The following ZDHHC14 variants were observed in gnomAD, a reference collection of about 807,000 sequenced individuals.
The protein encoded by ZDHHC14 is zDHHC palmitoyltransferase 14.
A neutral mutation model predicts 47.7 loss-of-function variants in ZDHHC14; 16 were observed. The observed-to-expected ratio is 0.34, with a 90% CI of 0.23 to 0.51. ZDHHC14 has a LOEUF of 0.51. Ranked by LOEUF, ZDHHC14 falls within the 20% of genes least tolerant of loss-of-function variation. The probability of loss-of-function intolerance (pLI) is 0.97; values close to 1 mark genes in which losing one functional copy is unlikely to be tolerated. For synonymous variants in ZDHHC14, 293 were observed against 278.9 expected (o/e 1.05, Z -0.50); for missense variants, 515 against 662.5 (o/e 0.78, Z 2.44).
intron 1 of ZDHHC14, among the ~76,000 whole-genome samples, chr6:157,441,213 AGG>A (rs1398448287): frequency 2.0e-5 from 3 of 152,320 alleles, no homozygotes; most frequent in African/African-American, 7.2e-5. Context: ...TTTGTCTGGA[AGG>A]ATCGCTCATG....
intron 5 of ZDHHC14, among the ~76,000 whole-genome samples, chr6:157,643,650 A>ATAT (rs1777364584): frequency 1.4e-5 from 1 of 72,522 alleles, no homozygotes; most frequent in African/African-American, 4.5e-5. Context: ...CTTCATCTCA[A>ATAT]ATATATATAT....
At chr6:157,522,728 C>G (rs754410767) in intron 1 of ZDHHC14, among the ~76,000 whole-genome samples, 92 of 120,686 alleles carry the variant, frequency 7.6e-4, no homozygotes, top group Non-Finnish European at 7.6e-4. Context: ...CATTTCCTTT[C>G]TCTCCTCCCT....
intron 3 of ZDHHC14, among the ~76,000 whole-genome samples, chr6:157,594,926 G>A (rs1293739169): frequency 1.3e-5 from 2 of 151,966 alleles, no homozygotes; most frequent in African/African-American, 2.4e-5. Flanking sequence ...TGACCTCCAG[G>A]CCTGTGATGG....
At chr6:157,564,354 T>TG (rs1170776149) in intron 2 of ZDHHC14, among the ~76,000 whole-genome samples, 1 of 152,108 alleles carries the variant, frequency 6.6e-6, no homozygotes, top group Admixed American at 6.5e-5. Context: ...GAAGTGGGGT[T>TG]GGGGGGAAGA....
intron 2 of ZDHHC14, among the ~76,000 whole-genome samples, chr6:157,590,908 T>G (rs1434467329): frequency 6.6e-6 from 1 of 152,248 alleles, no homozygotes; most frequent in African/African-American, 2.4e-5. Flanking sequence ...GAGCCTTACC[T>G]CTTGCATCAG....
At chr6:157,672,626 C>CA in intron 8 of ZDHHC14, 98 bp from the exon 9 acceptor site, 1 of 232,424 alleles carries the variant, frequency 4.3e-6, no homozygotes, top group Non-Finnish European at 8.7e-6. Flanking sequence ...CTTCTCGCAC[C>CA]CCACCCTCCC....
intron 1 of ZDHHC14, among the ~76,000 whole-genome samples, chr6:157,494,442 T>C (rs1583706455): frequency 6.6e-6 from 1 of 152,148 alleles, no homozygotes; most frequent in African/African-American, 2.4e-5. Flanking sequence ...TCTGGAGAGG[T>C]AGACAGGGCA....
intron 1 of ZDHHC14, among the ~76,000 whole-genome samples, chr6:157,396,519 T>A (rs1251136903): frequency 6.6e-6 from 1 of 152,210 alleles, no homozygotes; most frequent in African/African-American, 2.4e-5. Context: ...GAAGAATTCT[T>A]GACTTAAATT....
At chr6:157,408,050 G>A (rs1480148757) in intron 1 of ZDHHC14, among the ~76,000 whole-genome samples, 1 of 152,224 alleles carries the variant, frequency 6.6e-6, no homozygotes, top group Admixed American at 6.5e-5. Context: ...CTATATTAAT[G>A]ACGATGAATC....
chr6:157,504,194 T>A (rs200881555), intron 1 of ZDHHC14, among the ~76,000 whole-genome samples: 1,058 of 18,716 alleles, frequency 0.057, 6 homozygotes, highest in Middle Eastern at 0.067. Flanking sequence ...ATATATATAT[T>A]TTTTTTTTGT....
intron 3 of ZDHHC14, among the ~76,000 whole-genome samples, chr6:157,622,595 G>A (rs1785239508): frequency 6.6e-6 from 1 of 152,016 alleles, no homozygotes; most frequent in Non-Finnish European, 1.5e-5. Context: ...TGGAGCTTGA[G>A]TAAAACCACC....
chr6:157,438,050 C>T (rs1254835371), intron 1 of ZDHHC14, among the ~76,000 whole-genome samples: 4 of 151,778 alleles, frequency 2.6e-5, no homozygotes, highest in Non-Finnish European at 5.9e-5. Flanking sequence ...ATAAAATTTA[C>T]AATTTTAATC....
chr6:157,616,733 G>T lies in ZDHHC14; in HGVS notation c.566-11616G>T, dbSNP rs966285283. On this transcript the variant is annotated intron_variant, in intron 3 of 8. Coordinates refer to ENST00000359775, the MANE Select transcript of ZDHHC14 (RefSeq NM_024630.3). ...GATACTTCGGGGGGATCAGACGTCCGGGTGCAGGGACAGTGTGCCATGAGA... is the reference window on the plus strand; with the variant it reads ...GATACTTCGGGGGGATCAGACGTCCTGGTGCAGGGACAGTGTGCCATGAGA... 2.6e-5 allele frequency among the ~76,000 whole-genome samples: 4 copies of T among 152,166 alleles called. No individual in the cohort carries two copies. In the East Asian group the frequency reaches 7.7e-4, roughly 29 times the overall value.
intron 2 of ZDHHC14, among the ~76,000 whole-genome samples, chr6:157,567,292 A>G (rs376071719): frequency 3.3e-5 from 5 of 152,182 alleles, no homozygotes; most frequent in East Asian, 3.8e-4. Flanking sequence ...TTGTAATGCA[A>G]TGATTCCGGG....
chr6:157,543,771 C>T (rs373249681), intron 2 of ZDHHC14, among the ~76,000 whole-genome samples: 11 of 152,276 alleles, frequency 7.2e-5, no homozygotes, highest in African/African-American at 2.4e-4. Context: ...GTGGTGTCAT[C>T]TGCTAGACTG....
intron 1 of ZDHHC14, among the ~76,000 whole-genome samples, chr6:157,489,718 T>C (rs918031832): frequency 3.3e-5 from 5 of 152,106 alleles, no homozygotes; most frequent in Non-Finnish European, 7.4e-5. Flanking sequence ...CTTACAGCAG[T>C]GGGGAGGGGA....
At chr6:157,494,920 T>G (rs1344781873) in intron 1 of ZDHHC14, among the ~76,000 whole-genome samples, 1 of 152,128 alleles carries the variant, frequency 6.6e-6, no homozygotes, top group African/African-American at 2.4e-5. Flanking sequence ...AAGTCTCTTC[T>G]TGTCTCAACC....
chr6:157,666,731 G>T (rs1044493527), intron 8 of ZDHHC14, among the ~76,000 whole-genome samples: 8 of 152,174 alleles, frequency 5.3e-5, no homozygotes, highest in African/African-American at 1.9e-4. Flanking sequence ...GGTTTTTTCA[G>T]ACAAGACGTC....
At chr6:157,455,660 C>A (rs1778895589) in intron 1 of ZDHHC14, among the ~76,000 whole-genome samples, 1 of 152,140 alleles carries the variant, frequency 6.6e-6, no homozygotes, top group Non-Finnish European at 1.5e-5. Context: ...CCTGGCACAC[C>A]CCTCGCTCCT....
Sources: allele counts gnomAD v4.1 joint callset (sites outside exome capture counted in the v4.1 genomes callset), GRCh38; gene constraint gnomAD v4.1.1; transcripts MANE v1.5; gene names NCBI Gene and HGNC (gene_info 2026-07-23, HGNC 2026-07-21).